Variants in ANO3 observed in about 807,000 individuals in gnomAD.
The protein encoded by ANO3 is anoctamin-3.
Under a neutral mutation model 144.8 loss-of-function variants are expected in ANO3, and 99 were observed. The observed-to-expected ratio is 0.68, with a 90% CI of 0.58 to 0.81. The LOEUF (loss-of-function observed/expected upper bound fraction) is 0.81, where lower values mean the gene tolerates loss of function less well. Among genes scored for constraint, ANO3 ranks in the 30% least tolerant of loss-of-function variants. The pLI, the probability that ANO3 is intolerant of heterozygous loss-of-function variation, is 0.00. For missense variants in ANO3, 905 were observed against 1,202.2 expected (o/e 0.75, Z 3.66); for synonymous variants, 414 against 392.6 (o/e 1.05, Z -0.64).
At position 26,206,408 on chromosome 11, in the gene ANO3, C is replaced by T. The variant is rs964186654; in HGVS notation, c.154+17078C>T. Reference sequence around the variant, plus strand: ...ATGTGTTTCTGAGTAAACTTATTTTCTTTATCTCTGTTTTCATAACTACTA... The same window carrying T: ...ATGTGTTTCTGAGTAAACTTATTTTTTTTATCTCTGTTTTCATAACTACTA... On this transcript the variant is annotated intron_variant, in intron 1 of 27. Transcript: ENST00000672621. 8.1e-5 allele frequency among the ~76,000 whole-genome samples: 12 copies of T among 148,876 alleles called. 1 individual carries two copies. The East Asian group carries it at 2.3e-3, about 29-fold the overall frequency.
intron 20 of ANO3, among the ~76,000 whole-genome samples, chr11:26,635,958 G>C (rs892370819): frequency 1.3e-5 from 2 of 152,152 alleles, no homozygotes; most frequent in Non-Finnish European, 2.9e-5. Context: ...AACACTTTAG[G>C]AGGCCAAGGC....
chr11:26,221,380 C>T (rs1345095097), intron 1 of ANO3, among the ~76,000 whole-genome samples: 1 of 152,152 alleles, frequency 6.6e-6, no homozygotes, highest in Non-Finnish European at 1.5e-5. Flanking sequence ...TCACTATAGC[C>T]TGTGACAGAA....
intron 1 of ANO3, among the ~76,000 whole-genome samples, chr11:26,354,331 A>G (rs1272106359): frequency 2.0e-5 from 3 of 152,224 alleles, no homozygotes; most frequent in Non-Finnish European, 4.4e-5. Flanking sequence ...AAGGGAGAGA[A>G]GGAAAACTTT....
chr11:26,575,961 A>G (rs775651525), intron 14 of ANO3, among the ~76,000 whole-genome samples: 1 of 152,202 alleles, frequency 6.6e-6, no homozygotes, highest in African/African-American at 2.4e-5. Flanking sequence ...AAAATAAACA[A>G]TACTTTCTTC....
At chr11:26,568,706 A>G (rs765947384) in intron 14 of ANO3, among the ~76,000 whole-genome samples, 10 of 152,034 alleles carry the variant, frequency 6.6e-5, no homozygotes, top group Non-Finnish European at 1.3e-4. Context: ...AGCATGAATG[A>G]TTATCTCTGG....
intron 1 of ANO3, among the ~76,000 whole-genome samples, chr11:26,261,046 A>T (rs116548151): frequency 0.012 from 1,853 of 152,336 alleles, 51 homozygotes; most frequent in African/African-American, 0.043. Context: ...GAGCCCTTCT[A>T]AGCTTCTCTG....
chr11:26,623,697 G>A (rs1032276216), intron 17 of ANO3, among the ~76,000 whole-genome samples: 13 of 152,024 alleles, frequency 8.6e-5, no homozygotes, highest in Admixed American at 6.5e-4. Context: ...TTCTTTATCA[G>A]TAGGGCAGAA....
rs749633607 is a variant in ANO3 at position 26,332,240 on chromosome 11, C to A, written c.-36C>A. The A allele has an allele frequency of 3.1e-6, 5 of 1,614,076 alleles. No homozygotes were observed. The South Asian group carries it at 3.3e-5, about 11-fold the overall frequency. On this transcript the variant is annotated 5_prime_UTR_variant, in exon 1 of 27. Transcript: ENST00000256737. The stretch of plus-strand genomic sequence containing the variant: ...ACTGTTCCTCCGCCTCCCTCTCGGG[C>A]AGCTCCCTAAGCCGGCTGGGACGCG...
At chr11:26,208,224 G>C (rs1338236865) in intron 1 of ANO3, 1 of 152,332 alleles carries the variant, frequency 6.6e-6, no homozygotes, top group Admixed American at 6.6e-5. Flanking sequence ...ATAAGAATTG[G>C]GAGTGGGCCG....
At chr11:26,298,243 A>G (rs1183546418) in intron 1 of ANO3, among the ~76,000 whole-genome samples, 1 of 152,160 alleles carries the variant, frequency 6.6e-6, no homozygotes, top group Non-Finnish European at 1.5e-5. Context: ...CCACCCAGTA[A>G]CTGGCACAAC....
At chr11:26,336,614 C>T (rs1855200464) in intron 1 of ANO3, among the ~76,000 whole-genome samples, 1 of 152,138 alleles carries the variant, frequency 6.6e-6, no homozygotes, top group South Asian at 2.1e-4. Flanking sequence ...TTCAAATTAC[C>T]TAGAAGGACA....
chr11:26,632,578 C>T (rs938619800), intron 18 of ANO3, among the ~76,000 whole-genome samples: 16 of 142,540 alleles, frequency 1.1e-4, no homozygotes, highest in African/African-American at 3.2e-4. Flanking sequence ...AAAAAATATA[C>T]GTTTTATATA....
chr11:26,456,123 A>G (rs1859149319), intron 3 of ANO3, among the ~76,000 whole-genome samples: 2 of 152,132 alleles, frequency 1.3e-5, no homozygotes, highest in South Asian at 4.1e-4. Flanking sequence ...TAAAAACCCT[A>G]GAAGAAAACC....
intron 1 of ANO3, among the ~76,000 whole-genome samples, chr11:26,349,416 G>A (rs923899063): frequency 1.3e-5 from 2 of 152,132 alleles, no homozygotes; most frequent in Non-Finnish European, 2.9e-5. Flanking sequence ...CATGTCTCAA[G>A]TATATAGAAT....
intron 11 of ANO3, among the ~76,000 whole-genome samples, chr11:26,545,837 A>G (rs1350901066): frequency 6.6e-6 from 1 of 151,878 alleles, no homozygotes; most frequent in Non-Finnish European, 1.5e-5. Flanking sequence ...ATCATAGAAG[A>G]TTGTGAGTAC....
At position 26,542,073 on chromosome 11, in the gene ANO3, T is replaced by C. The variant is rs926680530; in HGVS notation, c.1154+5T>C. On this transcript the variant is annotated splice_donor_5th_base_variant and intron_variant, in intron 11 of 26. Coordinates refer to ENST00000256737, the MANE Select transcript of ANO3 (RefSeq NM_031418.4). The stretch of plus-strand genomic sequence containing the variant: ...TCAGCCTCTGGATTTAATCAGGTAC[T>C]GCAAATGGAACAATAATGAAAAGCA... The C allele has an allele frequency of 1.2e-6, 2 of 1,605,946 alleles. No individual in the cohort carries two copies. Among genetic ancestry groups the C allele is most frequent in the African/African-American group, 2.7e-5 (2 of 74,408 alleles).
intron 1 of ANO3, among the ~76,000 whole-genome samples, chr11:26,275,342 A>G (rs115978124): frequency 0.011 from 1,738 of 152,274 alleles, 32 homozygotes; most frequent in African/African-American, 0.04. Flanking sequence ...ACAGTATTTC[A>G]TGGCTACACT....
upstream of ANO3, chr11:26,331,483 G>A (rs1855039000): frequency 6.6e-6 from 1 of 152,118 alleles, no homozygotes. Context: ...CTGATCTTAA[G>A]TTTCTTTTTA....
chr11:26,343,189 A>G (rs1007729572), intron 1 of ANO3, among the ~76,000 whole-genome samples: 9 of 152,068 alleles, frequency 5.9e-5, no homozygotes, highest in Admixed American at 2.0e-4. Context: ...TATAAGTTCA[A>G]CTTTCTTAGA....
Sources: gnomAD v4.1 joint callset for allele counts (sites outside exome capture counted in the v4.1 genomes callset) on GRCh38, gnomAD v4.1.1 for gene constraint, MANE v1.5 for transcripts, NCBI Gene and HGNC (gene_info 2026-07-23, HGNC 2026-07-21) for gene names.